PLCG2: variants seen among roughly 807,000 people sequenced by gnomAD.
PLCG2 encodes 1-phosphatidylinositol 4,5-bisphosphate phosphodiesterase gamma-2.
In PLCG2, 69 loss-of-function variants were observed where a neutral mutation model predicts 175.6. That is an observed-to-expected ratio of 0.39 (90% confidence interval 0.32 to 0.48). The LOEUF (loss-of-function observed/expected upper bound fraction) is 0.48, where lower values mean the gene tolerates loss of function less well. Ranked by LOEUF, PLCG2 falls within the 20% of genes least tolerant of loss-of-function variation. The pLI, the probability that PLCG2 is intolerant of heterozygous loss-of-function variation, is 0.91. For missense variants in PLCG2, 1,798 were observed against 1,650.9 expected (o/e 1.09, Z -1.54); for synonymous variants, 827 against 624.0 (o/e 1.33, Z -4.85).
chr16:81,858,664 A>G (rs575101022), intron 4 of PLCG2, among the ~76,000 whole-genome samples: 88 of 152,280 alleles, frequency 5.8e-4, no homozygotes, highest in Middle Eastern at 6.8e-3. Context: ...AGGATTTAAT[A>G]AGAGATTCAG....
intron 2 of PLCG2, among the ~76,000 whole-genome samples, chr16:81,817,884 A>G (rs1904621251): frequency 6.6e-6 from 1 of 152,220 alleles, no homozygotes; most frequent in African/African-American, 2.4e-5. Flanking sequence ...GCTTATGAAC[A>G]TGTTCTCACG....
chr16:81,793,220 C>T (rs1197388537), intron 2 of PLCG2, among the ~76,000 whole-genome samples: 1 of 152,152 alleles, frequency 6.6e-6, no homozygotes, highest in Non-Finnish European at 1.5e-5. Flanking sequence ...CCCCAGCCTT[C>T]TGCATAGAGT....
Position 81,961,569 on chromosome 16 carries a change from G to C in PLCG2, c.*3571G>C, listed in dbSNP as rs889166833. 6 of 216,868 alleles carry C rather than the reference G, an allele frequency of 2.8e-5. No individual in the cohort carries two copies. Among genetic ancestry groups the C allele is most frequent in the Non-Finnish European group, 4.6e-5 (5 of 108,024 alleles). 13.4% of individuals were successfully genotyped at this position (216,868 alleles called of 1,614,324 possible). A position where few individuals can be genotyped will look rare whatever the true frequency, so the allele number is the denominator to read the frequency against. Reference sequence around the variant, plus strand: ...CAAAAATTTATTAGGCTAAAATTTTGAGGGAGAAGTGGTATGAAAATACAA... The same window carrying C: ...CAAAAATTTATTAGGCTAAAATTTTCAGGGAGAAGTGGTATGAAAATACAA... On this transcript the variant is annotated 3_prime_UTR_variant, in exon 33 of 33. Coordinates refer to ENST00000564138, the MANE Select transcript of PLCG2 (RefSeq NM_002661.5).
chr16:81,937,627 T>C, intron 27 of PLCG2, 131 bp from the exon 28 acceptor site: 1 of 679,726 alleles, frequency 1.5e-6, no homozygotes. Flanking sequence ...TTGAGTGAGA[T>C]ACCTATTTGA....
chr16:81,744,826 A>G (rs900911738), intron 1 of PLCG2, among the ~76,000 whole-genome samples: 8 of 152,140 alleles, frequency 5.3e-5, no homozygotes, highest in Non-Finnish European at 8.8e-5. Context: ...TCAGCCTCCC[A>G]AAGTGCTGGG....
chr16:81,884,498 G>A (rs1458894299), intron 9 of PLCG2, among the ~76,000 whole-genome samples: 2 of 152,042 alleles, frequency 1.3e-5, no homozygotes, highest in African/African-American at 2.4e-5. Context: ...CACAGCCACC[G>A]ACAGGTGGTT....
chr16:81,843,272 C>T (rs1034659012), intron 2 of PLCG2, among the ~76,000 whole-genome samples: 1 of 152,192 alleles, frequency 6.6e-6, no homozygotes, highest in Non-Finnish European at 1.5e-5. Flanking sequence ...ATCTCCTTCT[C>T]ACTAGTAGTG....
At chr16:81,754,435 T>TCCTCCCCTGC (rs1390209429) in intron 1 of PLCG2, among the ~76,000 whole-genome samples, 1 of 6 alleles carries the variant, frequency 0.17, no homozygotes. Context: ...CCTCCCCACC[T>TCCTCCCCTGC]CCTCCCCACC....
At chr16:81,879,129 G>C (rs903054806) in intron 7 of PLCG2, among the ~76,000 whole-genome samples, 1 of 152,140 alleles carries the variant, frequency 6.6e-6, no homozygotes, top group Non-Finnish European at 1.5e-5. Flanking sequence ...GAATGTAAAG[G>C]AAGGAGAGGG....
chr16:81,914,202 C>T (rs965556195), intron 19 of PLCG2, among the ~76,000 whole-genome samples: 1 of 152,230 alleles, frequency 6.6e-6, no homozygotes, highest in African/African-American at 2.4e-5. Flanking sequence ...CAACTAAACC[C>T]AACTGGCTGA....
chr16:81,925,818 C>T (rs548896640), intron 22 of PLCG2, among the ~76,000 whole-genome samples: 32 of 149,206 alleles, frequency 2.1e-4, no homozygotes, highest in African/African-American at 7.7e-4. Context: ...ACCTGGGAGG[C>T]GAAGGTTGCA....
chr16:81,907,501 T>A (rs1909426086), intron 15 of PLCG2, among the ~76,000 whole-genome samples, 184 bp from the exon 16 acceptor site: 1 of 152,088 alleles, frequency 6.6e-6, no homozygotes, highest in South Asian at 2.1e-4. Context: ...TCAAAATGCA[T>A]CGATATTTTA....
chr16:81,784,697 A>G (rs903196518), intron 1 of PLCG2, among the ~76,000 whole-genome samples: 5 of 152,208 alleles, frequency 3.3e-5, no homozygotes, highest in African/African-American at 1.2e-4. Flanking sequence ...AGGGCCTGAG[A>G]TACATTATCT....
chr16:81,758,464 A>G (rs972291632), intron 2 of PLCG2, among the ~76,000 whole-genome samples: 2 of 152,070 alleles, frequency 1.3e-5, no homozygotes, highest in African/African-American at 4.8e-5. Context: ...GTTAACATTT[A>G]TGTGTAAGTG....
Position 81,895,905 on chromosome 16 carries a change from G to C in PLCG2, c.1171G>C (p.Asp391His). The C allele has an allele frequency of 6.2e-7, 1 of 1,614,178 alleles. No individual in the cohort carries two copies. Among genetic ancestry groups the C allele is most frequent in the Non-Finnish European group, 8.5e-7 (1 of 1,180,030 alleles). ...TGACGACGTCGTGCAGGCCATCAAA[G>C]ACCACGCCTTTGTTACCTCGAGGTC... is the stretch of plus-strand genomic sequence containing the variant. ...KFDDVVQAIK[D>H]HAFVTSSFPV... is the part of the protein sequence containing the mutation. Residue 391 changes from aspartate (D) to histidine (H), a missense_variant, in exon 13 of 33, where the codon GAC becomes CAC. Transcript: ENST00000564138.
At chr16:81,811,977 C>G (rs761523214) in intron 2 of PLCG2, among the ~76,000 whole-genome samples, 1 of 151,946 alleles carries the variant, frequency 6.6e-6, no homozygotes, top group Non-Finnish European at 1.5e-5. Context: ...CTGATTTACA[C>G]TCCTACCAAC....
intron 7 of PLCG2, among the ~76,000 whole-genome samples, chr16:81,875,840 C>T (rs1181784502): frequency 6.6e-6 from 1 of 152,102 alleles, no homozygotes; most frequent in Non-Finnish European, 1.5e-5. Flanking sequence ...AAGGATTATT[C>T]TGCCGGATTT....
chr16:81,770,177 T>A (rs1910246417), intron 2 of PLCG2, among the ~76,000 whole-genome samples: 1 of 152,124 alleles, frequency 6.6e-6, no homozygotes, highest in Non-Finnish European at 1.5e-5. Flanking sequence ...CTTCACACAC[T>A]GAACACACCC....
chr16:81,940,896 T>C (rs891157268), intron 30 of PLCG2, among the ~76,000 whole-genome samples: 15 of 152,254 alleles, frequency 9.9e-5, no homozygotes, highest in African/African-American at 3.1e-4. Flanking sequence ...TTGCTGGATG[T>C]TGAATTTTCC....
Sources: gnomAD v4.1 joint callset for allele counts (sites outside exome capture counted in the v4.1 genomes callset) on GRCh38, gnomAD v4.1.1 for gene constraint, MANE v1.5 for transcripts, NCBI Gene and HGNC (gene_info 2026-07-23, HGNC 2026-07-21) for gene names.